Variants in WDFY3 observed in about 807,000 individuals in gnomAD.
WDFY3 encodes the protein WD repeat and FYVE domain containing 3.
In WDFY3, 66 loss-of-function variants were observed where a neutral mutation model predicts 409.6. That is an observed-to-expected ratio of 0.16 (90% CI 0.13 to 0.20). The LOEUF is 0.20. WDFY3 is among the 10% of genes least tolerant of loss of function. The probability of loss-of-function intolerance (pLI) is 1.00; values close to 1 mark genes in which losing one functional copy is unlikely to be tolerated. For synonymous variants in WDFY3, 1,521 were observed against 1,537.1 expected (o/e 0.99, Z 0.25); for missense variants, 3,031 against 4,298.1 (o/e 0.71, Z 8.24).
In WDFY3 at chr4:84,774,802, CAAAG is replaced by C. The variant is rs754521914; in HGVS notation, c.4754+14_4754+17del. The stretch of plus-strand genomic sequence containing the variant: ...CTTTTAGTTAATAAAAAGACAAAGA[CAAAG>C]AAGTTTTTCCTACCTGAGCAGATCA... On this transcript the variant is annotated intron_variant, in intron 29 of 67. Transcript: ENST00000295888. The C allele has an allele frequency of 1.3e-4, 204 of 1,578,398 alleles. No individual in the cohort carries two copies. Among genetic ancestry groups the C allele is most frequent in the Non-Finnish European group, 1.5e-4 (170 of 1,168,596 alleles).
intron 56 of WDFY3, 105 bp downstream of exon 56, chr4:84,702,248 T>C: frequency 8.1e-7 from 1 of 1,231,548 alleles, no homozygotes; most frequent in Non-Finnish European, 1.1e-6. Flanking sequence ...GTATCAAATT[T>C]TTTTCTTGTT....
intron 2 of WDFY3, among the ~76,000 whole-genome samples, chr4:84,928,259 T>C (rs1770270048): frequency 6.6e-6 from 1 of 152,152 alleles, no homozygotes; most frequent in Non-Finnish European, 1.5e-5. Context: ...CCCTCCTCCG[T>C]GCTTGACTCT....
intron 2 of WDFY3, among the ~76,000 whole-genome samples, chr4:84,924,271 T>C (rs929406951): frequency 1.3e-5 from 2 of 152,252 alleles, no homozygotes; most frequent in Admixed American, 6.5e-5. Context: ...GATACTATCA[T>C]TGCAGAGGTT....
intron 1 of WDFY3, among the ~76,000 whole-genome samples, chr4:84,940,134 A>G (rs1328151598): frequency 1.3e-5 from 2 of 151,980 alleles, no homozygotes; most frequent in Non-Finnish European, 2.9e-5. Context: ...ACAACCTCAA[A>G]ACATTTACTC....
intron 63 of WDFY3, 37 bp downstream of exon 63, chr4:84,683,906 C>G (rs1195396666): frequency 6.5e-7 from 1 of 1,540,728 alleles, no homozygotes; most frequent in East Asian, 2.3e-5. Context: ...ACTAGGATGA[C>G]AAATATCCTA....
In WDFY3 at chr4:84,696,736, C is replaced by T. The variant is rs751095229; in HGVS notation, c.8684G>A (p.Arg2895His). The change falls in exon 57 of 68, where the codon CGT becomes CAT. Residue 2895 changes from arginine to histidine, a missense_variant. By Grantham distance (29) the Arg-to-His change is conservative (BLOSUM62 0). Coordinates refer to ENST00000295888, the MANE Select transcript of WDFY3 (RefSeq NM_014991.6). The part of the protein sequence containing the change: ...GDPREFIRVH[R>H]EALECDYVSA... ...TGTAAAATGTACTTCCATTACCTCA[C>T]GATGGACTCTGATGAATTCTCGTGG... 6 of 1,613,406 alleles carry T rather than the reference C, an allele frequency of 3.7e-6. No individual in the cohort carries two copies. Among genetic ancestry groups the T allele is most frequent in the East Asian group, 2.2e-5 (1 of 44,844 alleles).
intron 62 of WDFY3, among the ~76,000 whole-genome samples, chr4:84,687,202 G>A (rs1381238530): frequency 6.6e-6 from 1 of 152,052 alleles, no homozygotes; most frequent in South Asian, 2.1e-4. Flanking sequence ...GGAGTGCAGT[G>A]GAGCGATCTT....
chr4:84,774,502 C>T (rs1170165125), intron 29 of WDFY3, among the ~76,000 whole-genome samples: 1 of 152,174 alleles, frequency 6.6e-6, no homozygotes, highest in Admixed American at 6.5e-5. Context: ...TAAAAATTAG[C>T]AGGGCTTGGG....
At chr4:84,797,118 G>C (rs929722861) in intron 18 of WDFY3, among the ~76,000 whole-genome samples, 1 of 152,012 alleles carries the variant, frequency 6.6e-6, no homozygotes, top group African/African-American at 2.4e-5. Flanking sequence ...AATTCTCTTT[G>C]AGGGAAAAGT....
chr4:84,965,878 T>TATCC (rs1284637555), intron 1 of WDFY3: 1 of 152,172 alleles, frequency 6.6e-6, no homozygotes, highest in Non-Finnish European at 1.5e-5. Context: ...AGCCCTCTCC[T>TATCC]CCCCTATCCC....
At chr4:84,794,826 A>T in intron 20 of WDFY3, 53 bp downstream of exon 20, 1 of 1,520,902 alleles carries the variant, frequency 6.6e-7, no homozygotes, top group East Asian at 2.3e-5. Context: ...ACTCTAAATT[A>T]TATATAATCT....
chr4:84,704,566 T>G, intron 54 of WDFY3, 122 bp from the exon 55 acceptor site: 1 of 661,998 alleles, frequency 1.5e-6, no homozygotes, highest in Non-Finnish European at 2.4e-6. Context: ...ATGCAATTAG[T>G]ACTGGCATTT....
chr4:84,775,039 TTAAC>T (rs777226155), intron 28 of WDFY3, 22 bp downstream of exon 28: 6 of 1,613,438 alleles, frequency 3.7e-6, no homozygotes, highest in Admixed American at 3.3e-5. Flanking sequence ...AGCTGAATAA[TTAAC>T]TACGTGGGTA....
chr4:84,810,388 CAA>C (rs377016613), intron 13 of WDFY3, 44 bp from the exon 14 acceptor site: 9,587 of 804,882 alleles, frequency 0.012, no homozygotes, highest in South Asian at 0.016. Flanking sequence ...ACACATAATT[CAA>C]AAAAAAAAAA....
At chr4:84,711,862 A>G (rs1407027421) in intron 51 of WDFY3, among the ~76,000 whole-genome samples, 1 of 151,392 alleles carries the variant, frequency 6.6e-6, no homozygotes, top group African/African-American at 2.4e-5. Flanking sequence ...AAAAAAAAAA[A>G]TAATAATAAT....
At position 84,751,499 on chromosome 4, in the gene WDFY3, A is replaced by G. The variant is rs756789465; in HGVS notation, c.5957T>C (p.Ile1986Thr). The stretch of plus-strand genomic sequence containing the variant: ...TTTCTTTACCTCCAACAAAAGATCA[A>G]TTAGTGGAGTTTGCTTGCTGGCAGG... ...LTPASKQTPL[I>T]DLLLEASPER... The change falls in exon 36 of 68, where the codon ATT becomes ACT. Residue 1986 changes from isoleucine to threonine, a missense_variant. Around this residue, in one of 16 missense-constraint regions of WDFY3, gnomAD observed 314 missense variants for 397.4 expected, o/e 0.79. Coordinates refer to ENST00000295888, the MANE Select transcript of WDFY3 (RefSeq NM_014991.6). The G allele has an allele frequency of 1.5e-5, 25 of 1,614,098 alleles. No individual in the cohort carries two copies. The highest frequency in any genetic ancestry group is 2.2e-5 in the South Asian group (2 of 91,094).
chr4:84,917,374 CG>C (rs904778692), intron 2 of WDFY3, among the ~76,000 whole-genome samples: 9 of 151,948 alleles, frequency 5.9e-5, no homozygotes, highest in Non-Finnish European at 1.3e-4. Context: ...TAACTGAAAA[CG>C]TATAATCTAA....
chr4:84,747,316 G>A (rs558857732), intron 36 of WDFY3, among the ~76,000 whole-genome samples: 33 of 152,150 alleles, frequency 2.2e-4, no homozygotes, highest in Non-Finnish European at 2.5e-4. Flanking sequence ...TTTCTGTAAT[G>A]GGCTGGAAGC....
chr4:84,721,057 T>C (rs1196775577), intron 47 of WDFY3, among the ~76,000 whole-genome samples: 2 of 152,174 alleles, frequency 1.3e-5, no homozygotes, highest in Non-Finnish European at 2.9e-5. Flanking sequence ...TGTAGGTTAT[T>C]ACTGGAATTA....
Sources: gnomAD v4.1 joint callset for allele counts (sites outside exome capture counted in the v4.1 genomes callset) on GRCh38, gnomAD v4.1.1 for gene constraint, gnomAD v4.1.1 regional missense constraint, MANE v1.5 for transcripts, NCBI Gene and HGNC (gene_info 2026-07-23, HGNC 2026-07-21) for gene names.